DIP2C: variants seen among roughly 807,000 people sequenced by gnomAD.
DIP2C encodes disco-interacting protein 2 homolog C.
A neutral mutation model predicts 192.4 loss-of-function variants in DIP2C; 33 were observed. That is an observed-to-expected ratio of 0.17 (90% CI 0.13 to 0.23). DIP2C has a LOEUF of 0.23. Among genes scored for constraint, DIP2C ranks in the 10% least tolerant of loss-of-function variants. DIP2C has a pLI of 1.00. For synonymous variants in DIP2C, 979 were observed against 864.1 expected, an observed-to-expected ratio of 1.13 and a Z score of -2.33; for missense variants, 1,537 against 2,110.1, an observed-to-expected ratio of 0.73 and a Z score of 5.32.
At position 610,755 on chromosome 10, in the gene DIP2C, C is replaced by T. The variant is rs552212839; in HGVS notation, c.85+78739G>A. On this transcript the variant is annotated intron_variant, in intron 1 of 36. Coordinates refer to ENST00000280886, the MANE Select transcript of DIP2C (RefSeq NM_014974.3). ...TGACTCATGGGGGTGGTTTCTAACCCCCCAGTGTTGGAGGTGGGCCCTGGT... is the reference window on the plus strand; with the variant it reads ...TGACTCATGGGGGTGGTTTCTAACCTCCCAGTGTTGGAGGTGGGCCCTGGT... 2.7e-5 allele frequency among the ~76,000 whole-genome samples: 4 copies of T among 150,280 alleles called. No homozygotes were observed. The South Asian group carries it at 8.5e-4, about 32-fold the overall frequency.
At chr10:597,807 C>T (rs1000611438) in intron 1 of DIP2C, among the ~76,000 whole-genome samples, 9 of 152,148 alleles carry the variant, frequency 5.9e-5, no homozygotes, top group Non-Finnish European at 1.0e-4. Context: ...TGGGGCCACA[C>T]GAGGACACAG....
chr10:461,867 T>G (rs1165704644), intron 3 of DIP2C, among the ~76,000 whole-genome samples: 1 of 152,128 alleles, frequency 6.6e-6, no homozygotes, highest in East Asian at 1.9e-4. Flanking sequence ...GAACTCACAG[T>G]TAAGAAACTC....
At chr10:334,029 G>A (rs1957628502) in intron 29 of DIP2C, among the ~76,000 whole-genome samples, 1 of 152,136 alleles carries the variant, frequency 6.6e-6, no homozygotes, top group Non-Finnish European at 1.5e-5. Flanking sequence ...CATAGGCTGG[G>A]TGCAGTGGCT....
rs191577172 is a variant in DIP2C, at chr10:372,454, C to A, written c.1992-2821G>T. Among the ~76,000 whole-genome samples the A allele has an allele frequency of 2.0e-3, 312 of 152,326 alleles. 1 individual carries two copies. Among genetic ancestry groups the A allele is most frequent in the Middle Eastern group, 0.014 (4 of 294 alleles). ...TTAATAATTGAATATGTTAAGATTA[C>A]AAATTGTGTTTGCTATAGGAACTTT... On this transcript the variant is annotated intron_variant, in intron 17 of 36. Transcript: ENST00000280886.
chr10:384,366 T>C (rs1044732419), intron 15 of DIP2C, among the ~76,000 whole-genome samples, 180 bp downstream of exon 15: 18 of 141,184 alleles, frequency 1.3e-4, no homozygotes, highest in Non-Finnish European at 2.4e-4. Context: ...ACCTCCCGAG[T>C]AGCTGGGATT....
chr10:626,296 G>A (rs1854196518), intron 1 of DIP2C, among the ~76,000 whole-genome samples: 1 of 152,142 alleles, frequency 6.6e-6, no homozygotes, highest in Non-Finnish European at 1.5e-5. Flanking sequence ...GGTTCATACT[G>A]GGCCAATCCC....
chr10:540,809 A>G (rs1847939991), intron 1 of DIP2C, among the ~76,000 whole-genome samples: 1 of 152,246 alleles, frequency 6.6e-6, no homozygotes, highest in African/African-American at 2.4e-5. Context: ...CCTCAGAGCA[A>G]TCATGAAAGA....
chr10:361,377 C>T (rs1046203257), intron 22 of DIP2C, among the ~76,000 whole-genome samples: 1 of 152,130 alleles, frequency 6.6e-6, no homozygotes, highest in African/African-American at 2.4e-5. Flanking sequence ...CTGACCTCGG[C>T]GTGAGGCTGC....
chr10:635,692 C>G (rs1854786290), intron 1 of DIP2C, among the ~76,000 whole-genome samples: 1 of 152,214 alleles, frequency 6.6e-6, no homozygotes, highest in South Asian at 2.1e-4. Context: ...CATCCTGAGC[C>G]CCCGGGGAAG....
intron 1 of DIP2C, among the ~76,000 whole-genome samples, chr10:627,440 A>T (rs113988435): frequency 7.7e-4 from 118 of 152,312 alleles, no homozygotes; most frequent in Non-Finnish European, 1.3e-3. Flanking sequence ...GTTACTGAGG[A>T]AAAAGGAAAA....
intron 1 of DIP2C, among the ~76,000 whole-genome samples, chr10:659,458 A>G (rs1049492698): frequency 6.6e-6 from 1 of 152,252 alleles, no homozygotes; most frequent in African/African-American, 2.4e-5. Flanking sequence ...CCCCAAATGT[A>G]ACTTCTTGTA....
intron 1 of DIP2C, among the ~76,000 whole-genome samples, chr10:540,169 A>G (rs1430037602): frequency 6.6e-6 from 1 of 152,262 alleles, no homozygotes; most frequent in Admixed American, 6.5e-5. Context: ...TGTTATAAAA[A>G]TGATGTGCGT....
intron 3 of DIP2C, among the ~76,000 whole-genome samples, chr10:441,393 C>T (rs992559608): frequency 3.9e-5 from 6 of 152,144 alleles, no homozygotes; most frequent in Non-Finnish European, 5.9e-5. Context: ...CACAGCTCAG[C>T]TGAGCACCAG....
intron 1 of DIP2C, among the ~76,000 whole-genome samples, chr10:514,674 G>A (rs567024494): frequency 6.6e-6 from 1 of 152,142 alleles, no homozygotes. Context: ...TGCCAACACC[G>A]TATTTCCTCA....
At chr10:341,080 G>C (rs1267475314) in intron 29 of DIP2C, 119 bp downstream of exon 29, 2 of 1,400,486 alleles carry the variant, frequency 1.4e-6, no homozygotes, top group African/African-American at 2.8e-5. Context: ...TAAGCCCCAG[G>C]CCTCCTCTGG....
intron 29 of DIP2C, among the ~76,000 whole-genome samples, chr10:335,706 A>T (rs1957728997): frequency 1.3e-5 from 2 of 152,194 alleles, no homozygotes; most frequent in South Asian, 4.1e-4. Flanking sequence ...GCTGTGTGCT[A>T]CAGGCTTCAC....
At chr10:366,553 G>A in intron 18 of DIP2C, 142 bp from the exon 19 acceptor site, 1 of 1,165,712 alleles carries the variant, frequency 8.6e-7, no homozygotes, top group Non-Finnish European at 1.2e-6. Flanking sequence ...TAGTCAGCCA[G>A]GCACTCATTT....
rs967325504 is a variant in DIP2C at position 413,800 on chromosome 10, G to T, written c.1057+113C>A. 5 of 1,359,828 alleles carry T rather than the reference G, an allele frequency of 3.7e-6. No individual in the cohort carries two copies. The African/African-American group carries it at 4.3e-5, about 12-fold the overall frequency. The allele number at this position is 1,359,828 out of a possible 1,614,324, so 84.2% of individuals were successfully genotyped here. A position where few individuals can be genotyped will look rare whatever the true frequency, so the allele number is the denominator to read the frequency against. On this transcript the variant is annotated intron_variant, in intron 8 of 36. Coordinates refer to ENST00000280886, the MANE Select transcript of DIP2C (RefSeq NM_014974.3). ...CGAGGGCGTGGGCAAAGGGCAGAGG[G>T]TTAGCCTCGGGATTACCTTAAGTGA...
intron 3 of DIP2C, among the ~76,000 whole-genome samples, chr10:457,268 CTTAA>C (rs1185808978): frequency 6.6e-6 from 1 of 152,246 alleles, no homozygotes; most frequent in East Asian, 1.9e-4. Flanking sequence ...CTTCTGTGGA[CTTAA>C]TTTTTTCTAA....
Sources: allele counts gnomAD v4.1 joint callset (sites outside exome capture counted in the v4.1 genomes callset), GRCh38; gene constraint gnomAD v4.1.1; transcripts MANE v1.5; gene names NCBI Gene and HGNC (gene_info 2026-07-23, HGNC 2026-07-21).